Variants in KDM4C observed in about 807,000 individuals in gnomAD.
The protein encoded by KDM4C is lysine-specific demethylase 4C.
KDM4C carries 81 observed loss-of-function variants against 129.3 expected under a neutral mutation model. That is an observed-to-expected ratio of 0.63 (90% CI 0.52 to 0.75). The LOEUF (loss-of-function observed/expected upper bound fraction) is 0.75. Among genes scored for constraint, KDM4C ranks in the 30% least tolerant of loss-of-function variants. The pLI, the probability that KDM4C is intolerant of heterozygous loss-of-function variation, is 0.00. For synonymous variants in KDM4C, 573 were observed against 456.1 expected (o/e 1.26, Z -3.26); for missense variants, 1,457 against 1,304.0 (o/e 1.12, Z -1.81).
intron 8 of KDM4C, among the ~76,000 whole-genome samples, chr9:6,963,822 G>T (rs988607338): frequency 3.9e-5 from 6 of 152,050 alleles, no homozygotes; most frequent in African/African-American, 1.2e-4. Flanking sequence ...CTACTTGATG[G>T]TGTTTCCGCC....
chr9:6,854,543 A>AAAAAAAAAAAAAAAAAAAAAG (rs1839451389), intron 5 of KDM4C, among the ~76,000 whole-genome samples: 1 of 145,948 alleles, frequency 6.9e-6, no homozygotes, highest in African/African-American at 2.7e-5. Context: ...AAAAAAAAAA[A>AAAAAAAAAAAAAAAAAAAAAG]AACAAAAAAA....
exon 1 of KDM4C, chr9:6,720,949 A>T (rs1377593950): frequency 6.4e-7 from 1 of 1,551,608 alleles, no homozygotes; most frequent in Non-Finnish European, 8.7e-7. Context: ...AGGATGTTTG[A>T]TGAAGCACTA....
At chr9:7,142,498 T>A (rs976277220) in intron 19 of KDM4C, among the ~76,000 whole-genome samples, 6 of 152,186 alleles carry the variant, frequency 3.9e-5, no homozygotes, top group Non-Finnish European at 7.3e-5. Flanking sequence ...ATGCATCTGC[T>A]ATGTTGCCCT....
At chr9:7,051,213 A>G (rs553091909) in intron 17 of KDM4C, among the ~76,000 whole-genome samples, 2 of 152,312 alleles carry the variant, frequency 1.3e-5, no homozygotes, top group Admixed American at 6.5e-5. Flanking sequence ...TAGTGGAATA[A>G]TAATACGAGG....
intron 1 of KDM4C, among the ~76,000 whole-genome samples, chr9:6,774,756 GA>G (rs1311221531): frequency 6.6e-6 from 1 of 152,146 alleles, no homozygotes; most frequent in Non-Finnish European, 1.5e-5. Flanking sequence ...GGTTTTATAT[GA>G]TACTTGGGGC....
intron 17 of KDM4C, among the ~76,000 whole-genome samples, chr9:7,092,170 G>C (rs1268897303): frequency 6.6e-6 from 1 of 152,104 alleles, no homozygotes; most frequent in Non-Finnish European, 1.5e-5. Context: ...GACCGTGTTT[G>C]TGATGCCTCT....
intron 1 of KDM4C, among the ~76,000 whole-genome samples, chr9:6,759,944 A>G (rs1819066461): frequency 6.9e-6 from 1 of 144,612 alleles, no homozygotes. Context: ...CCATCTCAAA[A>G]AAAAAAAAAA....
At chr9:6,874,783 A>G (rs1255846534) in intron 5 of KDM4C, among the ~76,000 whole-genome samples, 1 of 152,002 alleles carries the variant, frequency 6.6e-6, no homozygotes, top group Non-Finnish European at 1.5e-5. Context: ...GCATGGGGAG[A>G]CCATGCTATA....
intron 4 of KDM4C, among the ~76,000 whole-genome samples, chr9:6,842,816 C>G (rs1325798290): frequency 2.6e-5 from 4 of 152,166 alleles, no homozygotes; most frequent in African/African-American, 9.7e-5. Context: ...TGACATATAC[C>G]TGGCTGCCTT....
intron 1 of KDM4C, among the ~76,000 whole-genome samples, chr9:6,765,761 T>TG (rs1820498673): frequency 6.6e-6 from 1 of 152,164 alleles, no homozygotes; most frequent in Non-Finnish European, 1.5e-5. Context: ...TCACAAAACT[T>TG]TATCAACTAT....
chr9:6,747,017 A>G (rs1416842238), intron 1 of KDM4C, among the ~76,000 whole-genome samples: 2 of 149,636 alleles, frequency 1.3e-5, no homozygotes, highest in African/African-American at 4.9e-5. Context: ...AAAAAAAAAA[A>G]AAAAAAAAAA....
chr9:6,815,756 A>C (rs891911005), intron 4 of KDM4C, among the ~76,000 whole-genome samples: 1 of 152,200 alleles, frequency 6.6e-6, no homozygotes, highest in African/African-American at 2.4e-5. Context: ...AGTATAATGC[A>C]AATACTCCAA....
chr9:7,099,380 G>A (rs1836819296), intron 17 of KDM4C, among the ~76,000 whole-genome samples: 1 of 152,188 alleles, frequency 6.6e-6, no homozygotes, highest in South Asian at 2.1e-4. Context: ...CTCATTGCCA[G>A]ATACTTCATT....
At chr9:7,127,362 G>T (rs1210210415) in intron 18 of KDM4C, among the ~76,000 whole-genome samples, 2 of 152,096 alleles carry the variant, frequency 1.3e-5, no homozygotes, top group Non-Finnish European at 2.9e-5. Context: ...TCATTGAGGG[G>T]TAAGCAAACA....
chr9:6,760,627 G>C (rs1026281441), intron 1 of KDM4C, among the ~76,000 whole-genome samples: 1 of 151,728 alleles, frequency 6.6e-6, no homozygotes, highest in African/African-American at 2.4e-5. Flanking sequence ...CTGGAGTGCA[G>C]TGGCACGATC....
chr9:7,128,302 G>T (rs1237235141), intron 19 of KDM4C, 66 bp downstream of exon 19: 7 of 1,306,498 alleles, frequency 5.4e-6, no homozygotes, highest in Non-Finnish European at 5.0e-6. Flanking sequence ...AAGTAACTGA[G>T]CCCTTCAGAA....
chr9:7,164,467 G>A (rs1346073896), intron 19 of KDM4C, among the ~76,000 whole-genome samples: 1 of 152,098 alleles, frequency 6.6e-6, no homozygotes, highest in African/African-American at 2.4e-5. Flanking sequence ...CTGGTTATGG[G>A]TGCCACCATG....
At chr9:6,832,428 C>CTTTTTTTTTT (rs758428561) in intron 4 of KDM4C, among the ~76,000 whole-genome samples, 1 of 133,768 alleles carries the variant, frequency 7.5e-6, no homozygotes, top group African/African-American at 2.7e-5. Context: ...TCTTTTTTTT[C>CTTTTTTTTTT]TTTTTTTTTT....
chr9:7,102,824 GC>G (rs1837253609), intron 17 of KDM4C, among the ~76,000 whole-genome samples: 1 of 152,112 alleles, frequency 6.6e-6, no homozygotes, highest in South Asian at 2.1e-4. Flanking sequence ...TGTTTCTTCT[GC>G]TTTCCAGACC....
Sources: allele counts gnomAD v4.1 joint callset (sites outside exome capture counted in the v4.1 genomes callset), GRCh38; gene constraint gnomAD v4.1.1; transcripts MANE v1.5; gene names NCBI Gene and HGNC (gene_info 2026-07-23, HGNC 2026-07-21).